Variants in PCDHA9 observed in about 807,000 individuals in gnomAD.
The protein encoded by PCDHA9 is protocadherin alpha-9.
In PCDHA9, 62 loss-of-function variants were observed where a neutral mutation model predicts 62.0. The observed-to-expected ratio is 1.00, with a 90% CI of 0.81 to 1.23. PCDHA9 has a LOEUF of 1.23. Among genes scored for constraint, PCDHA9 ranks in the 50% most tolerant of loss-of-function variants. The probability of loss-of-function intolerance (pLI) is 0.00; values close to 1 mark genes in which losing one functional copy is unlikely to be tolerated. For missense variants in PCDHA9, 1,205 were observed against 1,249.8 expected, an observed-to-expected ratio of 0.96 and a Z score of 0.54; for synonymous variants, 557 against 567.6, an observed-to-expected ratio of 0.98 and a Z score of 0.27.
chr5:140,936,710 A>G (rs2091103513), intron 1 of PCDHA9, among the ~76,000 whole-genome samples: 1 of 152,216 alleles, frequency 6.6e-6, no homozygotes. Flanking sequence ...TTCTTGTGCC[A>G]ATACATTCTG....
intron 1 of PCDHA9, among the ~76,000 whole-genome samples, chr5:140,894,090 C>T (rs1554185919): frequency 6.6e-6 from 1 of 152,154 alleles, no homozygotes; most frequent in African/African-American, 2.4e-5. Flanking sequence ...CCAGTATCTT[C>T]TAGCTCCTGG....
At chr5:140,888,870 A>G (rs2062015576) in intron 1 of PCDHA9, among the ~76,000 whole-genome samples, 1 of 152,158 alleles carries the variant, frequency 6.6e-6, no homozygotes, top group Non-Finnish European at 1.5e-5. Flanking sequence ...ATGTCTCAAC[A>G]TAAAAATTAA....
At chr5:140,883,483 C>T (rs1554178423) in intron 1 of PCDHA9, 2 of 1,614,078 alleles carry the variant, frequency 1.2e-6, no homozygotes, top group African/African-American at 2.7e-5. Flanking sequence ...AGAACTACTA[C>T]TCATTAGTGC....
intron 3 of PCDHA9, 32 bp from the exon 4 acceptor site, chr5:141,009,595 C>A (rs781807814): frequency 6.2e-7 from 1 of 1,604,124 alleles, no homozygotes; most frequent in African/African-American, 1.3e-5. Context: ...TGTGTTGACC[C>A]TGTTAATGAT....
chr5:140,867,527 T>C (rs1238140449), intron 1 of PCDHA9: 1 of 152,106 alleles, frequency 6.6e-6, no homozygotes, highest in Non-Finnish European at 1.5e-5. Context: ...TAGTTGAATA[T>C]ATATATAAAA....
In PCDHA9 at chr5:140,856,541, G is replaced by A. The variant is rs1554148841; in HGVS notation, c.2394+5652G>A. The A allele has an allele frequency of 2.5e-6, 4 of 1,598,164 alleles. 1 individual carries two copies. The highest frequency in any genetic ancestry group is 3.4e-6 in the Non-Finnish European group (4 of 1,167,670). On this transcript the variant is annotated intron_variant, in intron 1 of 3. Transcript: ENST00000532602. ...ATCTGATGCGGATGTTGGAGAGAACGCATTGCTTACTTACAAACTCAGTCC... is the reference window on the plus strand; with the variant it reads ...ATCTGATGCGGATGTTGGAGAGAACACATTGCTTACTTACAAACTCAGTCC...
At chr5:140,935,178 G>C (rs2090229039) in intron 1 of PCDHA9, among the ~76,000 whole-genome samples, 2 of 152,146 alleles carry the variant, frequency 1.3e-5, no homozygotes, top group African/African-American at 4.8e-5. Context: ...GCTTATTGCT[G>C]CTGGGTCAGT....
At chr5:141,009,001 A>G (rs1373262105) in intron 3 of PCDHA9, among the ~76,000 whole-genome samples, 1 of 152,246 alleles carries the variant, frequency 6.6e-6, no homozygotes, top group East Asian at 1.9e-4. Flanking sequence ...TAAAAGGAGC[A>G]TATTTTGCCT....
intron 3 of PCDHA9, among the ~76,000 whole-genome samples, chr5:141,005,658 C>T (rs1014602554): frequency 6.9e-4 from 96 of 138,640 alleles, no homozygotes; most frequent in African/African-American, 2.4e-3. Flanking sequence ...GTCGAGATCG[C>T]GCCACTGCAC....
At position 140,850,847 on chromosome 5, in the gene PCDHA9, G is replaced by A; in HGVS notation, c.2352G>A (p.Glu784=). 6.3e-7 allele frequency: 1 copy of A among 1,596,668 alleles called. No individual in the cohort carries two copies. The highest frequency in any genetic ancestry group is 1.1e-5 in the South Asian group (1 of 90,478). ...PGLSPCAGST[E]RTGEPSASSD... is the part of the protein sequence containing the mutation. The stretch of plus-strand genomic sequence containing the variant: ...TTTCTCCTTGTGCTGGATCTACAGA[G>A]CGAACGGGAGAACCCTCTGCTTCCT... The change falls in exon 1 of 4, where the codon GAG becomes GAA. Residue 784 remains glutamate (E), a synonymous_variant. Coordinates refer to ENST00000532602, the MANE Select transcript of PCDHA9 (RefSeq NM_031857.2).
chr5:140,860,505 A>T (rs2046425472), intron 1 of PCDHA9: 1 of 152,218 alleles, frequency 6.6e-6, no homozygotes, highest in African/African-American at 2.4e-5. Flanking sequence ...TACATACAAG[A>T]TAAAACTCTT....
intron 3 of PCDHA9, among the ~76,000 whole-genome samples, chr5:140,994,709 A>C (rs1436733940): frequency 6.6e-6 from 1 of 152,166 alleles, no homozygotes; most frequent in Non-Finnish European, 1.5e-5. Flanking sequence ...TGTCTCAAAA[A>C]AAAATTTAAA....
chr5:140,856,128 G>A lies in PCDHA9; in HGVS notation c.2394+5239G>A, dbSNP rs1554148229. On this transcript the variant is annotated intron_variant, in intron 1 of 3. Coordinates refer to ENST00000532602, the MANE Select transcript of PCDHA9 (RefSeq NM_031857.2). ...CTCCTCGCAGCCTGGGAGGTGGGGA[G>A]CGGCCAGCTCCACTACTCAGTCTAC... The A allele has an allele frequency of 1.9e-6, 3 of 1,598,140 alleles. 1 individual carries two copies. The highest frequency in any genetic ancestry group is 2.6e-6 in the Non-Finnish European group (3 of 1,167,806).
Position 140,849,159 on chromosome 5 carries a change from C to T in PCDHA9, c.664C>T (p.Leu222=), listed in dbSNP as rs1554142780. The change falls in exon 1 of 4, where the codon CTG becomes TTG. Residue 222 remains leucine (L), a synonymous_variant. Coordinates refer to ENST00000532602, the MANE Select transcript of PCDHA9 (RefSeq NM_031857.2). ...LTATDGGKPE[L]TGTVQLLITV... is the part of the protein sequence containing the mutation. ...GGCCACCGATGGAGGCAAACCCGAG[C>T]TGACTGGCACCGTTCAATTACTCAT... 2.5e-6 allele frequency: 3 copies of T among 1,184,538 alleles called. No individual in the cohort carries two copies. The highest frequency in any genetic ancestry group is 3.5e-6 in the Non-Finnish European group (3 of 855,670). 73.4% of individuals were successfully genotyped at this position (1,184,538 alleles called of 1,614,324 possible).
At chr5:140,927,183 C>G (rs1554204140) in intron 1 of PCDHA9, 2 of 1,614,042 alleles carry the variant, frequency 1.2e-6, no homozygotes, top group African/African-American at 2.7e-5. Flanking sequence ...TCTTGACCTA[C>G]GACCTGGTGC....
chr5:140,903,721 C>T (rs2070530222), intron 1 of PCDHA9, among the ~76,000 whole-genome samples: 1 of 152,152 alleles, frequency 6.6e-6, no homozygotes, highest in African/African-American at 2.4e-5. Flanking sequence ...ACAATTCTCC[C>T]TATTATCAAT....
intron 1 of PCDHA9, among the ~76,000 whole-genome samples, chr5:140,895,075 A>C (rs1309295177): frequency 6.6e-6 from 1 of 152,102 alleles, no homozygotes; most frequent in Admixed American, 6.5e-5. Flanking sequence ...AATTCCTATC[A>C]GTTCCTCCTC....
intron 1 of PCDHA9, chr5:140,869,524 C>T: frequency 6.2e-7 from 1 of 1,614,188 alleles, no homozygotes; most frequent in Non-Finnish European, 8.5e-7. Flanking sequence ...ACAAAAGCTG[C>T]TGATTGCGGA....
At chr5:141,008,356 A>G (rs1440951671) in intron 3 of PCDHA9, among the ~76,000 whole-genome samples, 1 of 152,204 alleles carries the variant, frequency 6.6e-6, no homozygotes, top group Non-Finnish European at 1.5e-5. Context: ...CGTGTCAACC[A>G]AAGGAGCAGT....
Sources: gnomAD v4.1 joint callset for allele counts (sites outside exome capture counted in the v4.1 genomes callset) on GRCh38, gnomAD v4.1.1 for gene constraint, MANE v1.5 for transcripts, NCBI Gene and HGNC (gene_info 2026-07-23, HGNC 2026-07-21) for gene names.